The following DYNLRB2 variants were observed in gnomAD, a reference collection of about 807,000 sequenced individuals.
The protein encoded by DYNLRB2 is bithoraxoid-like protein.
In DYNLRB2, 14 loss-of-function variants were observed where a neutral mutation model predicts 12.6. The observed-to-expected ratio is 1.11, with a 90% CI of 0.73 to 1.73. The LOEUF is 1.73. Among genes scored for constraint, DYNLRB2 ranks in the 40% most tolerant of loss-of-function variants. DYNLRB2 has a pLI of 0.00. For missense variants in DYNLRB2, 142 were observed against 117.7 expected (o/e 1.21, Z -0.95); for synonymous variants, 53 against 37.0 (o/e 1.43, Z -1.57).
At chr16:80,548,832 T>C in intron 2 of DYNLRB2, 2 of 421,876 alleles carry the variant, frequency 4.7e-6, no homozygotes, top group South Asian at 3.4e-5. Context: ...ATATCCTTAT[T>C]ACCACATTTT....
chr16:80,549,379 T>C (rs12934612), intron 2 of DYNLRB2, 105 bp from the exon 3 acceptor site: 2 of 1,181,124 alleles, frequency 1.7e-6, no homozygotes, highest in African/African-American at 3.1e-5. Context: ...AAGCCATCAC[T>C]TTTTTCTCTT....
chr16:80,542,461 G>C (rs748818762), intron 1 of DYNLRB2, among the ~76,000 whole-genome samples: 1 of 152,128 alleles, frequency 6.6e-6, no homozygotes, highest in African/African-American at 2.4e-5. Flanking sequence ...ATGTTCACCT[G>C]TGCAATACTG....
chr16:80,543,627 A>G (rs1292014515), intron 2 of DYNLRB2, among the ~76,000 whole-genome samples: 1 of 152,222 alleles, frequency 6.6e-6, no homozygotes. Flanking sequence ...AAGCTTTGGT[A>G]ATTCTCTTCC....
At chr16:80,548,583 G>A (rs576162753) in intron 2 of DYNLRB2, among the ~76,000 whole-genome samples, 5 of 152,142 alleles carry the variant, frequency 3.3e-5, no homozygotes, top group African/African-American at 9.6e-5. Context: ...TTAGCCGGGC[G>A]TGGTGGTGGG....
At chr16:80,547,105 A>G (rs1405024610) in intron 2 of DYNLRB2, among the ~76,000 whole-genome samples, 5 of 152,250 alleles carry the variant, frequency 3.3e-5, no homozygotes, top group Non-Finnish European at 7.3e-5. Flanking sequence ...GCTCATCAGC[A>G]GGACATATTA....
At chr16:80,541,161 C>A in intron 1 of DYNLRB2, 82 bp downstream of exon 1, 1 of 1,526,928 alleles carries the variant, frequency 6.5e-7, no homozygotes, top group Non-Finnish European at 8.8e-7. Context: ...TTCTGGGGCC[C>A]ACCCAGGCAC....
rs1441464104 is a variant in DYNLRB2, at chr16:80,543,360, A to T, written c.79+9A>T. Reference sequence around the variant, plus strand: ...GGTTGTAAATGCAGAAGGTAAATATATCACAGGCTGTCTTCTTGACACACA... The same window carrying T: ...GGTTGTAAATGCAGAAGGTAAATATTTCACAGGCTGTCTTCTTGACACACA... On this transcript the variant is annotated intron_variant, in intron 2 of 3. Transcript: ENST00000305904. The T allele has an allele frequency of 1.9e-6, 3 of 1,613,656 alleles. No homozygotes were observed. In the South Asian group the frequency reaches 3.3e-5, roughly 18 times the overall value.
intron 2 of DYNLRB2, chr16:80,547,975 G>T: frequency 3.1e-6 from 1 of 324,246 alleles, no homozygotes; most frequent in South Asian, 2.5e-5. Context: ...AGTCAAAATT[G>T]ATGGTCTTCA....
intron 2 of DYNLRB2, chr16:80,549,115 C>A: frequency 4.8e-6 from 2 of 418,408 alleles, no homozygotes; most frequent in Non-Finnish European, 4.8e-6. Flanking sequence ...ACCCCATTAG[C>A]TATAAAAAAT....
chr16:80,541,185 G>C, intron 1 of DYNLRB2, 106 bp downstream of exon 1: 8 of 1,474,062 alleles, frequency 5.4e-6, no homozygotes, highest in Non-Finnish European at 6.3e-6. Context: ...CGGTCCAGGG[G>C]CCGCGGCGGA....
intron 2 of DYNLRB2, among the ~76,000 whole-genome samples, chr16:80,547,463 G>A (rs573335193): frequency 6.6e-6 from 1 of 151,944 alleles, no homozygotes; most frequent in Non-Finnish European, 1.5e-5. Flanking sequence ...TTCCAAGTGT[G>A]TATGGCGGAT....
At chr16:80,546,269 T>C (rs1405870869) in intron 2 of DYNLRB2, among the ~76,000 whole-genome samples, 1 of 152,238 alleles carries the variant, frequency 6.6e-6, no homozygotes, top group Non-Finnish European at 1.5e-5. Context: ...CAGTGCAGCT[T>C]TGTAGCTTTT....
chr16:80,550,606 T>C lies in DYNLRB2; in HGVS notation c.*48T>C. On this transcript the variant is annotated 3_prime_UTR_variant, in exon 4 of 4. Transcript: ENST00000305904. ...TAAGCGACACTGGGTTGGAAACACT[T>C]GGCTCTCTCATGAGTATTAAAATTC... The C allele has an allele frequency of 6.3e-7, 1 of 1,599,690 alleles. No homozygotes were observed. The highest frequency in any genetic ancestry group is 8.6e-7 in the Non-Finnish European group (1 of 1,167,052).
At chr16:80,549,766 C>A in intron 3 of DYNLRB2, 115 bp downstream of exon 3, 1 of 1,096,264 alleles carries the variant, frequency 9.1e-7, no homozygotes, top group Non-Finnish European at 1.2e-6. Context: ...ACATAATATT[C>A]TTCTATTACA....
chr16:80,544,426 C>T lies in DYNLRB2; in HGVS notation c.79+1075C>T, dbSNP rs181375854. Among the ~76,000 whole-genome samples, 9 of 152,282 alleles carry T rather than the reference C, an allele frequency of 5.9e-5. No individual in the cohort carries two copies. The East Asian group carries it at 1.4e-3, about 23-fold the overall frequency. ...GAGATAATAGAACATAATAAATTTT[C>T]GAGCTTGAATAATCAGGGGGAAGAG... is the stretch of plus-strand genomic sequence containing the variant. On this transcript the variant is annotated intron_variant, in intron 2 of 3. Coordinates refer to ENST00000305904, the MANE Select transcript of DYNLRB2 (RefSeq NM_130897.3).
At chr16:80,541,454 A>C (rs1290209602) in intron 1 of DYNLRB2, 4 of 938,524 alleles carry the variant, frequency 4.3e-6, no homozygotes, top group Non-Finnish European at 3.8e-6. Context: ...TCAGACCCTT[A>C]GAGAGAAGGA....
intron 1 of DYNLRB2, among the ~76,000 whole-genome samples, chr16:80,542,170 G>C (rs1220953102): frequency 6.6e-6 from 1 of 152,034 alleles, no homozygotes; most frequent in East Asian, 1.9e-4. Flanking sequence ...CATTTTGTTT[G>C]TTTTACAGTT....
rs1280034585 is a variant in DYNLRB2, at chr16:80,550,718, A to G, written c.*160A>G. The stretch of plus-strand genomic sequence containing the variant: ...ATGTCTCATTTAGTCCCTTTTGATT[A>G]TATTGTGAAGTTGTACTTTAGTGAT... On this transcript the variant is annotated 3_prime_UTR_variant, in exon 4 of 4. Coordinates refer to ENST00000305904, the MANE Select transcript of DYNLRB2 (RefSeq NM_130897.3). The G allele has an allele frequency of 3.9e-6, 3 of 759,642 alleles. No homozygotes were observed. Among genetic ancestry groups the G allele is most frequent in the South Asian group, 3.7e-5 (2 of 54,632 alleles). The allele number at this position is 759,642 out of a possible 1,614,324, so 47.1% of individuals were successfully genotyped here. A position where few individuals can be genotyped will look rare whatever the true frequency, so the allele number is the denominator to read the frequency against.
At chr16:80,540,877 C>G (rs1909279729), upstream of DYNLRB2, 1 of 927,622 alleles carries the variant, frequency 1.1e-6, no homozygotes, top group Non-Finnish European at 1.7e-6. Context: ...TCCCCTCTTC[C>G]GCGAACCTTC....
Sources: gnomAD v4.1 joint callset for allele counts (sites outside exome capture counted in the v4.1 genomes callset) on GRCh38, gnomAD v4.1.1 for gene constraint, MANE v1.5 for transcripts, NCBI Gene and HGNC (gene_info 2026-07-23, HGNC 2026-07-21) for gene names.